CAP2: variants seen among roughly 807,000 people sequenced by gnomAD.
CAP2 encodes the protein adenylyl cyclase-associated protein 2.
In CAP2, 24 loss-of-function variants were observed where a neutral mutation model predicts 57.7. That is an observed-to-expected ratio of 0.42 (90% confidence interval 0.30 to 0.58). The LOEUF (loss-of-function observed/expected upper bound fraction) is 0.58, where lower values mean the gene tolerates loss of function less well. Ranked by LOEUF, CAP2 falls within the 20% of genes least tolerant of loss-of-function variation. The pLI, the probability that CAP2 is intolerant of heterozygous loss-of-function variation, is 0.22. For synonymous variants in CAP2, 194 were observed against 207.2 expected (o/e 0.94, Z 0.55); for missense variants, 501 against 590.3 (o/e 0.85, Z 1.57).
chr6:17,415,750 A>T (rs1479181226), intron 1 of CAP2, among the ~76,000 whole-genome samples: 2 of 152,186 alleles, frequency 1.3e-5, no homozygotes, highest in East Asian at 3.8e-4. Flanking sequence ...CAGGTTTTTA[A>T]TTGGGCCGTA....
chr6:17,511,984 T>C (rs1762166243), intron 6 of CAP2, among the ~76,000 whole-genome samples: 1 of 152,084 alleles, frequency 6.6e-6, no homozygotes, highest in East Asian at 1.9e-4. Flanking sequence ...TAGTCCTTAT[T>C]ACAAGTTTTG....
At chr6:17,424,375 GGGC>G (rs1315622939) in intron 2 of CAP2, among the ~76,000 whole-genome samples, 5 of 152,138 alleles carry the variant, frequency 3.3e-5, no homozygotes, top group Non-Finnish European at 7.3e-5. Context: ...ACTCCAGCCT[GGGC>G]GACACAGAGC....
intron 7 of CAP2, among the ~76,000 whole-genome samples, chr6:17,515,241 G>T (rs996923790): frequency 3.3e-5 from 5 of 151,998 alleles, no homozygotes; most frequent in Admixed American, 1.3e-4. Flanking sequence ...GAACAAGAAG[G>T]TTTGAAGACA....
intron 3 of CAP2, among the ~76,000 whole-genome samples, chr6:17,454,297 C>T (rs973482249): frequency 4.0e-5 from 6 of 151,552 alleles, no homozygotes; most frequent in East Asian, 1.9e-4. Context: ...GTGGCCGTGA[C>T]GCTAGAAGAT....
intron 7 of CAP2, among the ~76,000 whole-genome samples, chr6:17,535,392 A>C (rs901294427): frequency 6.6e-6 from 1 of 151,002 alleles, no homozygotes; most frequent in Non-Finnish European, 1.5e-5. Context: ...CTCCTGCCTC[A>C]GCCTCCTGAG....
chr6:17,476,704 G>A (rs955170589), intron 4 of CAP2, among the ~76,000 whole-genome samples: 2 of 152,036 alleles, frequency 1.3e-5, no homozygotes, highest in Non-Finnish European at 2.9e-5. Flanking sequence ...CGAGAACAAC[G>A]GGAAGTATGT....
chr6:17,522,350 A>G (rs1174189074), intron 7 of CAP2, among the ~76,000 whole-genome samples: 1 of 152,216 alleles, frequency 6.6e-6, no homozygotes, highest in East Asian at 1.9e-4. Context: ...CTTATTGGCT[A>G]CTTACCATGT....
intron 7 of CAP2, among the ~76,000 whole-genome samples, chr6:17,529,111 T>C (rs9477472): frequency 0.068 from 10,413 of 152,198 alleles, 413 homozygotes; most frequent in Middle Eastern, 0.11. Flanking sequence ...GAGACAAAAG[T>C]CATAAATTCA....
intron 3 of CAP2, among the ~76,000 whole-genome samples, chr6:17,436,061 T>C (rs60782763): frequency 0.03 from 4,354 of 144,616 alleles, 177 homozygotes; most frequent in African/African-American, 0.099. Context: ...ATGGTTAAAC[T>C]AAGGAATCTT....
chr6:17,436,972 T>C (rs943888839), intron 3 of CAP2, among the ~76,000 whole-genome samples: 3 of 152,156 alleles, frequency 2.0e-5, no homozygotes, highest in African/African-American at 7.2e-5. Flanking sequence ...TCGAGGGATC[T>C]AGGTTTTGTG....
At chr6:17,532,740 T>A (rs1762675715) in intron 7 of CAP2, among the ~76,000 whole-genome samples, 2 of 124,180 alleles carry the variant, frequency 1.6e-5, no homozygotes, top group Admixed American at 8.1e-5. Context: ...TGAGCGATAC[T>A]AAAAAAAAAA....
chr6:17,440,385 T>C (rs1760035878), intron 3 of CAP2, among the ~76,000 whole-genome samples: 1 of 151,620 alleles, frequency 6.6e-6, no homozygotes, highest in Admixed American at 6.6e-5. Context: ...AAGTTCACTT[T>C]TGTTGTTGTT....
chr6:17,544,209 C>T (rs1762985628), intron 11 of CAP2, among the ~76,000 whole-genome samples: 1 of 151,364 alleles, frequency 6.6e-6, no homozygotes, highest in Non-Finnish European at 1.5e-5. Flanking sequence ...ACATAGTAGG[C>T]GTCCAGTAAA....
intron 11 of CAP2, among the ~76,000 whole-genome samples, chr6:17,547,512 T>C (rs1488283891): frequency 6.6e-6 from 1 of 152,052 alleles, no homozygotes; most frequent in Non-Finnish European, 1.5e-5. Context: ...AGAAGAGAAT[T>C]CCTCCTGTCA....
At chr6:17,530,631 G>A (rs1250004078) in intron 7 of CAP2, among the ~76,000 whole-genome samples, 3 of 152,138 alleles carry the variant, frequency 2.0e-5, no homozygotes. Flanking sequence ...CGGCATGTCA[G>A]CTGTTTCATT....
At chr6:17,555,583 A>G (rs186330436) in intron 12 of CAP2, among the ~76,000 whole-genome samples, 1 of 145,536 alleles carries the variant, frequency 6.9e-6, no homozygotes, top group Non-Finnish European at 1.5e-5. Context: ...TTTTTTGGAG[A>G]TGGAGTTTTC....
intron 4 of CAP2, among the ~76,000 whole-genome samples, chr6:17,474,185 CTTTTTTTTTTT>C (rs544909381): frequency 7.5e-5 from 7 of 93,210 alleles, no homozygotes; most frequent in South Asian, 3.9e-4. Context: ...AAAAAACAGT[CTTTTTTTTTTT>C]TTTTTTTTTT....
intron 4 of CAP2, among the ~76,000 whole-genome samples, chr6:17,496,195 C>CT (rs1466482622): frequency 6.6e-6 from 1 of 152,114 alleles, no homozygotes; most frequent in Non-Finnish European, 1.5e-5. Flanking sequence ...CCACAGGCCT[C>CT]TTATAGCAGC....
At chr6:17,426,751 C>A in intron 3 of CAP2, 61 bp downstream of exon 3, 1 of 1,056,724 alleles carries the variant, frequency 9.5e-7, no homozygotes, top group Non-Finnish European at 1.5e-6. Flanking sequence ...CAGCCTCTGA[C>A]AACGCTAACA....
Sources: allele counts gnomAD v4.1 joint callset (sites outside exome capture counted in the v4.1 genomes callset), GRCh38; gene constraint gnomAD v4.1.1; transcripts MANE v1.5; gene names NCBI Gene and HGNC (gene_info 2026-07-23, HGNC 2026-07-21).